MEIKIN: variants seen among roughly 807,000 people sequenced by gnomAD.
MEIKIN encodes the protein meiotic kinetochore factor, also known as meiosis-specific kinetochore protein.
intron 8 of MEIKIN, among the ~76,000 whole-genome samples, chr5:131,882,894 G>C (rs1009979667): frequency 1.7e-4 from 26 of 152,238 alleles, no homozygotes; most frequent in Non-Finnish European, 2.9e-5. Flanking sequence ...CCACAAGGCT[G>C]ACTCTCTAAT....
chr5:131,886,714 G>A (rs902496083), intron 8 of MEIKIN, among the ~76,000 whole-genome samples: 31 of 152,114 alleles, frequency 2.0e-4, no homozygotes, highest in African/African-American at 6.3e-4. Context: ...TAATGTGAAG[G>A]TACGAAACTC....
intron 6 of MEIKIN, among the ~76,000 whole-genome samples, chr5:131,920,803 C>T (rs1345613243): frequency 1.3e-5 from 2 of 151,916 alleles, no homozygotes; most frequent in African/African-American, 2.4e-5. Context: ...AAGCGATCCT[C>T]TCATTCTCCC....
chr5:131,942,833 GT>G, intron 3 of MEIKIN, 138 bp from the exon 4 acceptor site: 2 of 370,638 alleles, frequency 5.4e-6, no homozygotes, highest in Admixed American at 9.1e-5. Context: ...CATTCATTCA[GT>G]TTATTGTTCA....
At chr5:131,893,068 C>T (rs1325013246) in intron 8 of MEIKIN, among the ~76,000 whole-genome samples, 1 of 152,212 alleles carries the variant, frequency 6.6e-6, no homozygotes, top group Non-Finnish European at 1.5e-5. Context: ...CTGATCGTTC[C>T]TCTGGAAGTT....
chr5:131,835,404 G>A (rs961718838), intron 11 of MEIKIN, among the ~76,000 whole-genome samples: 4 of 152,102 alleles, frequency 2.6e-5, no homozygotes, highest in African/African-American at 9.7e-5. Flanking sequence ...TTTGTTGCCT[G>A]TGCTTTTGGT....
intron 9 of MEIKIN, among the ~76,000 whole-genome samples, chr5:131,872,145 G>A (rs1282559291): frequency 5.9e-5 from 9 of 152,308 alleles, no homozygotes; most frequent in Admixed American, 1.3e-4. Context: ...AAAGCTGGAC[G>A]GAGAATGACT....
At chr5:131,907,391 TA>T (rs904931963) in intron 8 of MEIKIN, among the ~76,000 whole-genome samples, 3 of 143,884 alleles carry the variant, frequency 2.1e-5, no homozygotes, top group East Asian at 2.0e-4. Flanking sequence ...TGGTTTCTTG[TA>T]AAAAAAAAAC....
chr5:131,911,898 G>A lies in MEIKIN; in HGVS notation c.639-19C>T, dbSNP rs1353448620. 5 of 397,244 alleles carry A rather than the reference G, an allele frequency of 1.3e-5. No homozygotes were observed. The highest frequency in any genetic ancestry group is 2.2e-5 in the Non-Finnish European group (5 of 225,022). The allele number at this position is 397,244 out of a possible 1,614,324, so 24.6% of individuals were successfully genotyped here. On this transcript the variant is annotated intron_variant, in intron 7 of 12. Transcript: ENST00000442687. ...CATCACTCTATAACAAGAACAAACTGTTTAGTGGTATTTTCTAAATCCTTC... is the reference window on the plus strand; with the variant it reads ...CATCACTCTATAACAAGAACAAACTATTTAGTGGTATTTTCTAAATCCTTC...
At chr5:131,885,070 A>G (rs1003256415) in intron 8 of MEIKIN, among the ~76,000 whole-genome samples, 2 of 152,190 alleles carry the variant, frequency 1.3e-5, no homozygotes, top group African/African-American at 2.4e-5. Flanking sequence ...GCTCATGGAC[A>G]GCCACTCTGG....
intron 12 of MEIKIN, among the ~76,000 whole-genome samples, chr5:131,809,632 C>G (rs1001395698): frequency 6.6e-6 from 1 of 151,990 alleles, no homozygotes; most frequent in Non-Finnish European, 1.5e-5. Context: ...CAGATGAAAC[C>G]CTGTCTCTAC....
At chr5:131,884,820 C>CCTT (rs1750751091) in intron 8 of MEIKIN, among the ~76,000 whole-genome samples, 1 of 151,884 alleles carries the variant, frequency 6.6e-6, no homozygotes, top group Non-Finnish European at 1.5e-5. Flanking sequence ...AGGGTGAGTC[C>CCTT]CAGGCAGCAT....
At chr5:131,924,261 T>C (rs1751554079) in intron 5 of MEIKIN, among the ~76,000 whole-genome samples, 1 of 152,226 alleles carries the variant, frequency 6.6e-6, no homozygotes, top group Non-Finnish European at 1.5e-5. Flanking sequence ...ACCTCTCGGC[T>C]ACTGTGAATA....
intron 8 of MEIKIN, among the ~76,000 whole-genome samples, chr5:131,892,280 A>G (rs1349620461): frequency 6.6e-6 from 1 of 152,164 alleles, no homozygotes; most frequent in Non-Finnish European, 1.5e-5. Context: ...TAGATTGGGG[A>G]AGTTCTCCTG....
At chr5:131,914,383 CAAAA>C (rs373552501) in intron 7 of MEIKIN, among the ~76,000 whole-genome samples, 1 of 92,586 alleles carries the variant, frequency 1.1e-5, no homozygotes, top group Non-Finnish European at 2.4e-5. Flanking sequence ...GACTCTGTCT[CAAAA>C]AAAAAAAAAA....
chr5:131,851,449 T>C (rs1750113997), intron 10 of MEIKIN, 66 bp from the exon 11 acceptor site: 3 of 394,926 alleles, frequency 7.6e-6, no homozygotes, highest in African/African-American at 4.1e-5. Context: ...TTTTAAGTAA[T>C]TAAAGAAAAG....
chr5:131,817,749 G>A (rs920269694), intron 12 of MEIKIN, among the ~76,000 whole-genome samples: 2 of 152,082 alleles, frequency 1.3e-5, no homozygotes, highest in Admixed American at 6.6e-5. Context: ...TATAAAAAAG[G>A]GATCTCTATA....
At chr5:131,920,115 G>GT (rs1751480426) in intron 6 of MEIKIN, among the ~76,000 whole-genome samples, 1 of 152,180 alleles carries the variant, frequency 6.6e-6, no homozygotes, top group South Asian at 2.1e-4. Flanking sequence ...TTTACTAAAT[G>GT]TGTTTCTTAC....
chr5:131,934,666 T>C, intron 4 of MEIKIN, among the ~76,000 whole-genome samples: 1 of 152,186 alleles, frequency 6.6e-6, no homozygotes, highest in East Asian at 1.9e-4. Flanking sequence ...ATGCAAAGAA[T>C]TTTTTTATAT....
At chr5:131,808,873 C>T (rs1216240071) in intron 12 of MEIKIN, among the ~76,000 whole-genome samples, 4 of 151,988 alleles carry the variant, frequency 2.6e-5, no homozygotes, top group African/African-American at 7.3e-5. Flanking sequence ...CCCAGGAGTA[C>T]GAGATCAGCC....
Sources: allele counts gnomAD v4.1 joint callset (sites outside exome capture counted in the v4.1 genomes callset), GRCh38; gene constraint gnomAD v4.1.1; transcripts MANE v1.5; gene names NCBI Gene and HGNC (gene_info 2026-07-23, HGNC 2026-07-21).